The following ZNF551 variants were observed in gnomAD, a reference collection of about 807,000 sequenced individuals.
The protein encoded by ZNF551 is zinc finger protein 551, also known as KOX 23 protein (56 AA).
ZNF551 carries 5 observed loss-of-function variants against 7.9 expected under a neutral mutation model. The ratio of observed to expected loss-of-function variants is 0.63; its 90% CI spans 0.33 to 1.33. The LOEUF (loss-of-function observed/expected upper bound fraction) is 1.33, where lower values mean the gene tolerates loss of function less well. ZNF551 is among the 40% of genes most tolerant of loss of function. The pLI, the probability that ZNF551 is intolerant of heterozygous loss-of-function variation, is 0.05. For synonymous variants in ZNF551, 287 were observed against 277.3 expected (o/e 1.03, Z -0.35); for missense variants, 788 against 825.2 (o/e 0.95, Z 0.55).
intron 1 of ZNF551, 36 bp from the exon 2 acceptor site, chr19:57,685,226 G>A (rs1161575181): frequency 6.2e-7 from 1 of 1,610,262 alleles, no homozygotes; most frequent in Non-Finnish European, 8.5e-7. Flanking sequence ...TGAACTCCGG[G>A]TCTGATCGTG....
chr19:57,687,942 A>G lies in ZNF551; in HGVS notation c.1667A>G (p.Glu556Gly). The G allele has an allele frequency of 1.2e-6, 2 of 1,614,184 alleles. No homozygotes were observed. Among genetic ancestry groups the G allele is most frequent in the Non-Finnish European group, 1.7e-6 (2 of 1,180,028 alleles). Residue 556 changes from glutamate (E) to glycine (G), a missense_variant, in exon 3 of 3, where the codon GAA becomes GGA. Glu to Gly is a moderately conservative substitution (Grantham distance 98). Transcript: ENST00000282296. ...CAGCACCGGAGACTTCATACTGGAG[A>G]AAGGCCTTATGAATGTAGTGAATGT... ...LIQHRRLHTG[E>G]RPYECSECGK... is the part of the protein sequence containing the mutation.
chr19:57,684,771 T>A (rs1984500529), intron 1 of ZNF551, among the ~76,000 whole-genome samples: 1 of 152,166 alleles, frequency 6.6e-6, no homozygotes, highest in Non-Finnish European at 1.5e-5. Context: ...CCTTTGAGGT[T>A]GTGGCTGTGG....
chr19:57,687,748 T>G lies in ZNF551; in HGVS notation c.1473T>G (p.Ile491Met), dbSNP rs539285281. 23 of 1,614,116 alleles carry G rather than the reference T, an allele frequency of 1.4e-5. No homozygotes were observed. In the South Asian group the frequency reaches 2.5e-4, roughly 18 times the overall value. Reference sequence around the variant, plus strand: ...CCTTTAGCCGCAAATTTATCCTGATTCAACACCAAAGAGTTCACACTGGAG... The same window carrying G: ...CCTTTAGCCGCAAATTTATCCTGATGCAACACCAAAGAGTTCACACTGGAG... ...EKSFSRKFIL[I>M]QHQRVHTGER... The change falls in exon 3 of 3, where the codon ATT becomes ATG. Residue 491 changes from isoleucine (I) to methionine (M), a missense_variant. Ile to Met is a conservative substitution (Grantham distance 10, BLOSUM62 1). Transcript: ENST00000282296.
At position 57,687,927 on chromosome 19, in the gene ZNF551, G is replaced by C; in HGVS notation, c.1652G>C (p.Arg551Thr). Residue 551 changes from arginine to threonine, a missense_variant, in exon 3 of 3, where the codon AGA becomes ACA. Coordinates refer to ENST00000282296, the MANE Select transcript of ZNF551 (RefSeq NM_138347.5). ...RQRSGLIQHR[R>T]LHTGERPYEC... ...CGCTCTGGCCTCATTCAGCACCGGAGACTTCATACTGGAGAAAGGCCTTAT... is the reference window on the plus strand; with the variant it reads ...CGCTCTGGCCTCATTCAGCACCGGACACTTCATACTGGAGAAAGGCCTTAT... The C allele has an allele frequency of 6.2e-7, 1 of 1,614,176 alleles. No individual in the cohort carries two copies. The highest frequency in any genetic ancestry group is 8.5e-7 in the Non-Finnish European group (1 of 1,180,024).
rs778859483 is a variant in ZNF551, at chr19:57,686,956, A to C, written c.681A>C (p.Glu227Asp). The stretch of plus-strand genomic sequence containing the variant: ...CAAAAAGTTATTACAAGTGGGGTGA[A>C]TACAGAAAAGCTTCAAGCCACAAAC... ...FNAKSYYKWGEYRKASSHKHT... is the reference protein window; with the variant it reads ...FNAKSYYKWGDYRKASSHKHT... Residue 227 changes from glutamate (E) to aspartate (D), a missense_variant, in exon 3 of 3, where the codon GAA (glutamate) becomes GAC (aspartate). Coordinates refer to ENST00000282296, the MANE Select transcript of ZNF551 (RefSeq NM_138347.5). The C allele has an allele frequency of 1.9e-6, 3 of 1,614,106 alleles. No individual in the cohort carries two copies. Among genetic ancestry groups the C allele is most frequent in the Admixed American group, 1.7e-5 (1 of 60,004 alleles).
chr19:57,685,162 G>T, intron 1 of ZNF551, 100 bp from the exon 2 acceptor site: 2 of 1,529,480 alleles, frequency 1.3e-6, no homozygotes, highest in Non-Finnish European at 8.9e-7. Flanking sequence ...GGTTATCTCC[G>T]CTGAGGTGGG....
intron 2 of ZNF551, 168 bp downstream of exon 2, chr19:57,685,553 T>C: frequency 9.9e-7 from 1 of 1,008,246 alleles, no homozygotes; most frequent in Non-Finnish European, 1.5e-6. Flanking sequence ...TTTCTGCCCT[T>C]TTCCTCTAGC....
chr19:57,685,164 T>C, intron 1 of ZNF551, 98 bp from the exon 2 acceptor site: 1 of 1,534,258 alleles, frequency 6.5e-7, no homozygotes, highest in Admixed American at 1.9e-5. Flanking sequence ...TTATCTCCGC[T>C]GAGGTGGGCA....
chr19:57,685,312 G>C lies in ZNF551; in HGVS notation c.132G>C (p.Glu44Asp). The C allele has an allele frequency of 6.2e-7, 1 of 1,614,074 alleles. No homozygotes were observed. Among genetic ancestry groups the C allele is most frequent in the African/African-American group, 1.3e-5 (1 of 75,040 alleles). Reference protein sequence around the residue: ...VAIYFSQEEWELLDESQRFLY... With the variant: ...VAIYFSQEEWDLLDESQRFLY... ...TTTATTTCTCCCAAGAAGAGTGGGA[G>C]CTCCTTGATGAGTCTCAGAGGTTCC... Residue 44 changes from glutamate (E) to aspartate (D), a missense_variant, in exon 2 of 3, where the codon GAG (glutamate) becomes GAC (aspartate). Transcript: ENST00000282296.
At chr19:57,682,568 T>G (rs1668355014) in intron 1 of ZNF551, among the ~76,000 whole-genome samples, 1 of 152,154 alleles carries the variant, frequency 6.6e-6, no homozygotes, top group Non-Finnish European at 1.5e-5. Flanking sequence ...CCTTCGAGAT[T>G]TGTGAACAGA....
rs1444695303 is a variant in ZNF551, at chr19:57,682,030, C to T, written c.-134C>T. 5.2e-6 allele frequency: 5 copies of T among 963,556 alleles called. No homozygotes were observed. The highest frequency in any genetic ancestry group is 1.6e-5 in the South Asian group (1 of 61,522). 59.7% of individuals were successfully genotyped at this position (963,556 alleles called of 1,614,324 possible). A position where few individuals can be genotyped will look rare whatever the true frequency, so the allele number is the denominator to read the frequency against. On this transcript the variant is annotated 5_prime_UTR_variant, in exon 1 of 3. Transcript: ENST00000282296. ...TCATTTTGGCCTCTGTCCTGTTTGT[C>T]CAGCCCGCCAGTTTCTGCAGTGGAG...
chr19:57,684,873 CAG>C (rs1381370828), intron 1 of ZNF551, among the ~76,000 whole-genome samples: 12 of 152,214 alleles, frequency 7.9e-5, no homozygotes, highest in African/African-American at 2.6e-4. Flanking sequence ...GAACGGGAGT[CAG>C]AGGGGTAAAG....
rs892524823 is a variant in ZNF551 at position 57,688,861 on chromosome 19, A to G, written c.*573A>G. The G allele has an allele frequency of 1.9e-5, 3 of 154,330 alleles. No individual in the cohort carries two copies. Among genetic ancestry groups the G allele is most frequent in the Admixed American group, 1.9e-4 (3 of 15,736 alleles). 9.6% of individuals were successfully genotyped at this position (154,330 alleles called of 1,614,324 possible). ...ATGTTTTTATAAAGGTTTTAAAAAAATTTACGCACCTTTAATCTTGGGTGT... is the reference window on the plus strand; with the variant it reads ...ATGTTTTTATAAAGGTTTTAAAAAAGTTTACGCACCTTTAATCTTGGGTGT... On this transcript the variant is annotated 3_prime_UTR_variant, in exon 3 of 3. Transcript: ENST00000282296.
intron 1 of ZNF551, among the ~76,000 whole-genome samples, chr19:57,682,886 T>C (rs1984435595): frequency 6.6e-6 from 1 of 152,166 alleles, no homozygotes; most frequent in Admixed American, 6.5e-5. Flanking sequence ...TATGAAGCTG[T>C]TGGCAGCCGG....
rs1329269699 is a variant in ZNF551 at position 57,688,940 on chromosome 19, G to A, written c.*652G>A. 1.3e-5 allele frequency: 2 copies of A among 152,682 alleles called. No homozygotes were observed. Among genetic ancestry groups the A allele is most frequent in the Non-Finnish European group, 2.9e-5 (2 of 68,408 alleles). 9.5% of individuals were successfully genotyped at this position (152,682 alleles called of 1,614,324 possible). On this transcript the variant is annotated 3_prime_UTR_variant, in exon 3 of 3. Coordinates refer to ENST00000282296, the MANE Select transcript of ZNF551 (RefSeq NM_138347.5). ...GCAGAATAGTGATGTCAGCATGAAG[G>A]GGTGAATAGATTTTGTGGAGATCTC...
At position 57,686,873 on chromosome 19, in the gene ZNF551, C is replaced by A. The variant is rs772265805; in HGVS notation, c.598C>A (p.Pro200Thr). 2.0e-5 allele frequency: 33 copies of A among 1,614,086 alleles called. No individual in the cohort carries two copies. The highest frequency in any genetic ancestry group is 2.7e-5 in the Non-Finnish European group (32 of 1,180,028). ...PTDLLQHEAT[P>T]SGEEPHSSSS... is the part of the protein sequence containing the mutation. The stretch of plus-strand genomic sequence containing the variant: ...GGACCTACTCCAACACGAAGCCACT[C>A]CCAGTGGTGAGGAGCCACACAGTAG... The change falls in exon 3 of 3, where the codon CCC becomes ACC. Residue 200 changes from proline (P) to threonine (T), a missense_variant. Coordinates refer to ENST00000282296, the MANE Select transcript of ZNF551 (RefSeq NM_138347.5).
At chr19:57,683,013 G>A (rs1307028526) in intron 1 of ZNF551, among the ~76,000 whole-genome samples, 1 of 152,200 alleles carries the variant, frequency 6.6e-6, no homozygotes, top group African/African-American at 2.4e-5. Flanking sequence ...AGAACAGGGA[G>A]CAGTGTAGTA....
intron 1 of ZNF551, among the ~76,000 whole-genome samples, chr19:57,682,545 A>G (rs1984420902): frequency 6.6e-6 from 1 of 152,220 alleles, no homozygotes; most frequent in Non-Finnish European, 1.5e-5. Flanking sequence ...GACGATTCTG[A>G]GGACACTGGC....
At position 57,682,096 on chromosome 19, in the gene ZNF551, G is replaced by C; in HGVS notation, c.-68G>C. On this transcript the variant is annotated 5_prime_UTR_variant, in exon 1 of 3. Coordinates refer to ENST00000282296, the MANE Select transcript of ZNF551 (RefSeq NM_138347.5). ...CGGGACAGAGAAGTCGCGAAAGTGG[G>C]CCAGAGGTTCTGCGACACCACCTCG... is the stretch of plus-strand genomic sequence containing the variant. 6.7e-7 allele frequency: 1 copy of C among 1,491,976 alleles called. No individual in the cohort carries two copies. Among genetic ancestry groups the C allele is most frequent in the Non-Finnish European group, 9.0e-7 (1 of 1,109,326 alleles). 92.4% of individuals were successfully genotyped at this position (1,491,976 alleles called of 1,614,324 possible).
Sources: allele counts gnomAD v4.1 joint callset (sites outside exome capture counted in the v4.1 genomes callset), GRCh38; gene constraint gnomAD v4.1.1; transcripts MANE v1.5; gene names NCBI Gene and HGNC (gene_info 2026-07-23, HGNC 2026-07-21).